NOS1AP: variants seen among roughly 807,000 people sequenced by gnomAD.
NOS1AP encodes the protein carboxyl-terminal PDZ ligand of neuronal nitric oxide synthase protein.
NOS1AP carries 21 observed loss-of-function variants against 56.2 expected under a neutral mutation model. That is an observed-to-expected ratio of 0.37 (90% CI 0.26 to 0.54). The LOEUF (loss-of-function observed/expected upper bound fraction) is 0.54, where lower values mean the gene tolerates loss of function less well. Among genes scored for constraint, NOS1AP ranks in the 20% least tolerant of loss-of-function variants. NOS1AP has a pLI of 0.84. For synonymous variants in NOS1AP, 270 were observed against 274.6 expected, an observed-to-expected ratio of 0.98 and a Z score of 0.17; for missense variants, 522 against 657.8, an observed-to-expected ratio of 0.79 and a Z score of 2.26.
At chr1:162,110,443 C>T (rs1403554276) in intron 1 of NOS1AP, among the ~76,000 whole-genome samples, 1 of 151,916 alleles carries the variant, frequency 6.6e-6, no homozygotes, top group Non-Finnish European at 1.5e-5. Context: ...ATACATGCAC[C>T]ACGTTATTTG....
chr1:162,305,682 T>C (rs553248636), intron 4 of NOS1AP, among the ~76,000 whole-genome samples: 1 of 152,310 alleles, frequency 6.6e-6, no homozygotes, highest in South Asian at 2.1e-4. Context: ...TATTCTGTCT[T>C]ATCAGTGTAA....
At chr1:162,299,144 G>C (rs936541475) in intron 3 of NOS1AP, among the ~76,000 whole-genome samples, 2 of 152,182 alleles carry the variant, frequency 1.3e-5, no homozygotes, top group Non-Finnish European at 2.9e-5. Flanking sequence ...CTTTAACTCT[G>C]AAGAATTTCA....
chr1:162,139,090 G>A (rs576860775), intron 1 of NOS1AP, among the ~76,000 whole-genome samples: 2 of 151,908 alleles, frequency 1.3e-5, no homozygotes, highest in East Asian at 1.9e-4. Flanking sequence ...GTGGATGAGG[G>A]CTCTGGCTTG....
intron 1 of NOS1AP, among the ~76,000 whole-genome samples, chr1:162,072,738 A>C (rs1222017085): frequency 6.6e-6 from 1 of 152,210 alleles, no homozygotes; most frequent in Non-Finnish European, 1.5e-5. Flanking sequence ...AGGTGGAAGC[A>C]CGAGCTTTTC....
chr1:162,131,962 A>G (rs1648770275), intron 1 of NOS1AP, among the ~76,000 whole-genome samples: 1 of 152,204 alleles, frequency 6.6e-6, no homozygotes, highest in Non-Finnish European at 1.5e-5. Context: ...TGGGATTGTC[A>G]CCAGGATCAA....
At chr1:162,175,633 C>T (rs907044676) in intron 2 of NOS1AP, among the ~76,000 whole-genome samples, 2 of 151,938 alleles carry the variant, frequency 1.3e-5, no homozygotes, top group African/African-American at 2.4e-5. Flanking sequence ...TGGGGGCGGT[C>T]GGTTAGTTGC....
At chr1:162,161,551 G>A (rs1393248081) in intron 2 of NOS1AP, among the ~76,000 whole-genome samples, 5 of 152,182 alleles carry the variant, frequency 3.3e-5, no homozygotes, top group Non-Finnish European at 5.9e-5. Context: ...TGAGTGAAGT[G>A]CCTAGCATGT....
intron 2 of NOS1AP, among the ~76,000 whole-genome samples, chr1:162,286,776 C>T (rs1205398288): frequency 6.6e-6 from 1 of 152,126 alleles, no homozygotes; most frequent in Non-Finnish European, 1.5e-5. Flanking sequence ...GTTTTTGAGG[C>T]CATATCTTTT....
intron 8 of NOS1AP, among the ~76,000 whole-genome samples, chr1:162,358,028 T>C (rs1388987739): frequency 6.6e-6 from 1 of 152,062 alleles, no homozygotes; most frequent in Non-Finnish European, 1.5e-5. Flanking sequence ...GACGGGGCAG[T>C]TGGGGCTTGG....
chr1:162,306,305 G>A (rs535932055), intron 4 of NOS1AP, among the ~76,000 whole-genome samples: 1 of 152,310 alleles, frequency 6.6e-6, no homozygotes, highest in East Asian at 1.9e-4. Context: ...CTGTTGTTCA[G>A]CAGGGCTAAT....
intron 3 of NOS1AP, among the ~76,000 whole-genome samples, chr1:162,296,754 G>T (rs2101749465): frequency 6.6e-6 from 1 of 152,272 alleles, no homozygotes; most frequent in South Asian, 2.1e-4. Context: ...CTATAGAATT[G>T]CTGAGAAGAG....
In NOS1AP at chr1:162,147,077, C is replaced by G. The variant is rs188036698; in HGVS notation, c.106-7328C>G. On this transcript the variant is annotated intron_variant, in intron 1 of 9. Coordinates refer to ENST00000361897, the MANE Select transcript of NOS1AP (RefSeq NM_014697.3). ...GGGCGCGGTGGCTCATGCCTGTAAT[C>G]CTAGCACTTTGGGAGGCTGAGGCAG... Among the ~76,000 whole-genome samples the G allele has an allele frequency of 3.2e-3, 489 of 152,208 alleles. 1 individual carries two copies. Among genetic ancestry groups the G allele is most frequent in the Non-Finnish European group, 5.8e-3 (397 of 68,018 alleles).
intron 3 of NOS1AP, among the ~76,000 whole-genome samples, chr1:162,293,274 C>G (rs1655334397): frequency 6.6e-6 from 1 of 151,600 alleles, no homozygotes; most frequent in Non-Finnish European, 1.5e-5. Flanking sequence ...AATAATGCTG[C>G]ATGAATAATG....
intron 2 of NOS1AP, among the ~76,000 whole-genome samples, chr1:162,240,113 G>A (rs1477997764): frequency 1.3e-5 from 2 of 152,188 alleles, no homozygotes; most frequent in African/African-American, 2.4e-5. Flanking sequence ...TAACTGCTCA[G>A]ATGAGATTAC....
chr1:162,263,107 C>T (rs1342378641), intron 2 of NOS1AP, among the ~76,000 whole-genome samples: 1 of 152,206 alleles, frequency 6.6e-6, no homozygotes, highest in Admixed American at 6.5e-5. Context: ...ATATCGCACT[C>T]TTCTGACTTT....
At chr1:162,329,133 A>T (rs1334357893) in intron 4 of NOS1AP, among the ~76,000 whole-genome samples, 2 of 152,226 alleles carry the variant, frequency 1.3e-5, no homozygotes, top group African/African-American at 4.8e-5. Context: ...AAGTCTGTGG[A>T]CATATGATGA....
intron 1 of NOS1AP, among the ~76,000 whole-genome samples, chr1:162,093,272 T>C (rs1304376653): frequency 6.6e-6 from 1 of 152,192 alleles, no homozygotes; most frequent in Non-Finnish European, 1.5e-5. Flanking sequence ...AATCAGTATT[T>C]ACTGAGTACT....
intron 2 of NOS1AP, among the ~76,000 whole-genome samples, chr1:162,199,793 T>TTCTA (rs1211807661): frequency 1.3e-5 from 2 of 152,214 alleles, no homozygotes; most frequent in Non-Finnish European, 2.9e-5. Context: ...AACACATAAT[T>TTCTA]CTGGGTTTGA....
At chr1:162,236,686 G>A (rs994502700) in intron 2 of NOS1AP, among the ~76,000 whole-genome samples, 6 of 152,214 alleles carry the variant, frequency 3.9e-5, no homozygotes, top group Non-Finnish European at 7.3e-5. Flanking sequence ...TGGGGGGGCA[G>A]GTGTATTCCT....
Sources: gnomAD v4.1 joint callset for allele counts (sites outside exome capture counted in the v4.1 genomes callset) on GRCh38, gnomAD v4.1.1 for gene constraint, MANE v1.5 for transcripts, NCBI Gene and HGNC (gene_info 2026-07-23, HGNC 2026-07-21) for gene names.